The following PINX1 variants were observed in gnomAD, a reference collection of about 807,000 sequenced individuals.
PINX1 encodes the protein PIN2 (TERF1) interacting telomerase inhibitor 1.
PINX1 carries 34 observed loss-of-function variants against 25.4 expected under a neutral mutation model. The observed-to-expected ratio is 1.34, with a 90% CI of 1.02 to 1.78. PINX1 has a LOEUF of 1.78. PINX1 is among the 40% of genes most tolerant of loss of function. PINX1 has a pLI of 0.00. For synonymous variants in PINX1, 197 were observed against 147.7 expected (o/e 1.33, Z -2.42); for missense variants, 592 against 404.9 (o/e 1.46, Z -3.97).
intron 6 of PINX1, among the ~76,000 whole-genome samples, chr8:10,793,325 T>C (rs1801982538): frequency 6.6e-6 from 1 of 152,228 alleles, no homozygotes; most frequent in Non-Finnish European, 1.5e-5. Context: ...TGAGCTTAGT[T>C]TGCCCAAATG....
chr8:10,812,524 C>A (rs562041386), intron 6 of PINX1, among the ~76,000 whole-genome samples: 1 of 152,298 alleles, frequency 6.6e-6, no homozygotes, highest in East Asian at 1.9e-4. Context: ...ATGCAGGCTG[C>A]TTCCTTTTCC....
intron 6 of PINX1, among the ~76,000 whole-genome samples, chr8:10,801,239 A>G (rs1366854721): frequency 2.0e-5 from 3 of 152,340 alleles, no homozygotes; most frequent in South Asian, 2.1e-4. Context: ...TGGATTTCCA[A>G]TGATGGCTTA....
chr8:10,826,004 T>G, intron 5 of PINX1, 148 bp downstream of exon 5: 1 of 542,938 alleles, frequency 1.8e-6, no homozygotes, highest in Non-Finnish European at 3.3e-6. Flanking sequence ...CCACAGTCAA[T>G]GCGAAGACTC....
At chr8:10,804,436 C>A (rs1215787729) in intron 6 of PINX1, among the ~76,000 whole-genome samples, 1 of 152,136 alleles carries the variant, frequency 6.6e-6, no homozygotes, top group Non-Finnish European at 1.5e-5. Flanking sequence ...CAGCAAGCAT[C>A]GGCATCAGGG....
intron 5 of PINX1, among the ~76,000 whole-genome samples, chr8:10,823,129 G>A (rs1176578354): frequency 6.6e-6 from 1 of 152,186 alleles, no homozygotes; most frequent in African/African-American, 2.4e-5. Context: ...AAAAGAATCA[G>A]AAGAGGAGAT....
chr8:10,786,718 C>A (rs1446651917), intron 6 of PINX1, among the ~76,000 whole-genome samples: 1 of 152,146 alleles, frequency 6.6e-6, no homozygotes, highest in Non-Finnish European at 1.5e-5. Context: ...AGGCCAAATC[C>A]TCTCCCTGTG....
chr8:10,788,126 G>T (rs747054030), intron 6 of PINX1, among the ~76,000 whole-genome samples: 2 of 152,178 alleles, frequency 1.3e-5, no homozygotes, highest in Non-Finnish European at 2.9e-5. Flanking sequence ...TCAGTAATGG[G>T]AAAGAGGGGT....
At chr8:10,770,332 C>G (rs1009589757) in intron 6 of PINX1, among the ~76,000 whole-genome samples, 1 of 152,214 alleles carries the variant, frequency 6.6e-6, no homozygotes, top group Non-Finnish European at 1.5e-5. Flanking sequence ...TCTGGCAATT[C>G]CGAATTATCA....
chr8:10,797,059 G>C (rs1302601804), intron 6 of PINX1, among the ~76,000 whole-genome samples: 4 of 152,004 alleles, frequency 2.6e-5, no homozygotes, highest in Non-Finnish European at 4.4e-5. Flanking sequence ...TCCACTCTCT[G>C]TCTCCCCTAC....
intron 6 of PINX1, among the ~76,000 whole-genome samples, chr8:10,768,232 G>A (rs13279753): frequency 0.038 from 5,750 of 152,292 alleles, 129 homozygotes; most frequent in South Asian, 0.081. Flanking sequence ...CACTACAGGA[G>A]CCTGCAGTCT....
At chr8:10,827,750 C>CAA (rs35845472) in intron 4 of PINX1, among the ~76,000 whole-genome samples, 1 of 141,996 alleles carries the variant, frequency 7.0e-6, no homozygotes, top group South Asian at 2.3e-4. Flanking sequence ...ACTAAAAATA[C>CAA]AAAAAAAAAA....
chr8:10,789,534 A>T (rs28588745), intron 6 of PINX1, among the ~76,000 whole-genome samples: 25,538 of 152,148 alleles, frequency 0.17, 2,296 homozygotes, highest in Middle Eastern at 0.27. Flanking sequence ...GAACTTACTC[A>T]TCTTAGCCTC....
intron 5 of PINX1, among the ~76,000 whole-genome samples, chr8:10,820,987 A>T (rs949888848): frequency 6.6e-6 from 1 of 152,240 alleles, no homozygotes; most frequent in Non-Finnish European, 1.5e-5. Flanking sequence ...AAACCAACTA[A>T]TTTAAAATTC....
chr8:10,765,559 C>A lies in PINX1; in HGVS notation c.829G>T (p.Ala277Ser), dbSNP rs780607912. ...DQSSKASAQD[A>S]GDHVQPPEGR... is the part of the protein sequence containing the mutation. ...TCAGGCGGCTGCACATGGTCCCCTG[C>A]ATCCTGAGCAGAGGCCTTGGAACTC... Residue 277 changes from alanine (A) to serine (S), a missense_variant, in exon 7 of 7, where the codon GCA becomes TCA. Ala to Ser is a moderately conservative substitution (Grantham distance 99). Transcript: ENST00000314787. The A allele has an allele frequency of 6.2e-6, 10 of 1,613,774 alleles. No homozygotes were observed. Among genetic ancestry groups the A allele is most frequent in the East Asian group, 4.5e-5 (2 of 44,874 alleles).
intron 6 of PINX1, among the ~76,000 whole-genome samples, chr8:10,775,967 C>T (rs973557567): frequency 6.6e-6 from 1 of 152,196 alleles, no homozygotes; most frequent in Non-Finnish European, 1.5e-5. Flanking sequence ...CAACCCTCCC[C>T]TCAAATCCCC....
chr8:10,827,745 A>G (rs1004611177), intron 4 of PINX1, among the ~76,000 whole-genome samples: 2 of 149,836 alleles, frequency 1.3e-5, no homozygotes, highest in Admixed American at 6.7e-5. Flanking sequence ...TCTCTACTAA[A>G]AATACAAAAA....
At chr8:10,816,920 C>T (rs902488324) in intron 6 of PINX1, among the ~76,000 whole-genome samples, 4 of 152,176 alleles carry the variant, frequency 2.6e-5, no homozygotes, top group Non-Finnish European at 5.9e-5. Context: ...AGAGGAGATA[C>T]TGATATTTAC....
chr8:10,777,165 G>A (rs1478688312), intron 6 of PINX1, among the ~76,000 whole-genome samples: 1 of 152,298 alleles, frequency 6.6e-6, no homozygotes, highest in African/African-American at 2.4e-5. Flanking sequence ...TGGGTGTGTT[G>A]GCAGGCCCTG....
rs184557602 is a variant in PINX1, at chr8:10,835,052, A to C, written c.20-277T>G. On this transcript the variant is annotated intron_variant, in intron 1 of 6. Transcript: ENST00000314787. ...TGGCAAAGCAAATGCTCAATATACT[A>C]GAGCTGGGCCTTCCATACTCCGCCA... Among the ~76,000 whole-genome samples the C allele has an allele frequency of 6.2e-3, 941 of 152,376 alleles. 4 individuals are homozygous for C. Among genetic ancestry groups the C allele is most frequent in the Non-Finnish European group, 9.3e-3 (630 of 68,030 alleles).
Sources: gnomAD v4.1 joint callset for allele counts (sites outside exome capture counted in the v4.1 genomes callset) on GRCh38, gnomAD v4.1.1 for gene constraint, MANE v1.5 for transcripts, NCBI Gene and HGNC (gene_info 2026-07-23, HGNC 2026-07-21) for gene names.